TTC28: variants seen among roughly 807,000 people sequenced by gnomAD.
TTC28 encodes tetratricopeptide repeat domain 28.
In TTC28, 61 loss-of-function variants were observed where a neutral mutation model predicts 198.0. The observed-to-expected ratio is 0.31, with a 90% confidence interval of 0.25 to 0.38. The LOEUF (loss-of-function observed/expected upper bound fraction) is 0.38. Ranked by LOEUF, TTC28 falls within the 10% of genes least tolerant of loss-of-function variation. The pLI, the probability that TTC28 is intolerant of heterozygous loss-of-function variation, is 1.00. For synonymous variants in TTC28, 1,171 were observed against 1,297.8 expected (o/e 0.90, Z 2.10); for missense variants, 2,678 against 3,164.0 (o/e 0.85, Z 3.69).
chr22:28,093,976 A>G (rs781105478), intron 12 of TTC28, 104 bp downstream of exon 12: 6 of 1,272,810 alleles, frequency 4.7e-6, no homozygotes, highest in Non-Finnish European at 6.4e-6. Context: ...GCGCAACTAC[A>G]TGAATTCCAA....
intron 6 of TTC28, among the ~76,000 whole-genome samples, chr22:28,146,533 T>C (rs1943473835): frequency 6.6e-6 from 1 of 152,228 alleles, no homozygotes; most frequent in South Asian, 2.1e-4. Context: ...GTTGACAGTC[T>C]GAAATTTCTG....
intron 11 of TTC28, among the ~76,000 whole-genome samples, 152 bp downstream of exon 11, chr22:28,096,038 C>T (rs769783626): frequency 7.9e-5 from 12 of 152,210 alleles, no homozygotes; most frequent in Non-Finnish European, 2.9e-5. Context: ...GAATGCCCCA[C>T]CACGGCATAT....
intron 5 of TTC28, among the ~76,000 whole-genome samples, chr22:28,289,114 CAGA>C (rs962492726): frequency 2.6e-5 from 4 of 152,104 alleles, no homozygotes; most frequent in African/African-American, 9.7e-5. Context: ...ATTTCTAATA[CAGA>C]AGAAGAGAAT....
intron 5 of TTC28, among the ~76,000 whole-genome samples, chr22:28,229,698 C>T (rs1928652945): frequency 6.6e-6 from 1 of 152,068 alleles, no homozygotes; most frequent in Non-Finnish European, 1.5e-5. Flanking sequence ...CCTTTCAATT[C>T]TACAAGCATA....
intron 6 of TTC28, among the ~76,000 whole-genome samples, chr22:28,118,590 A>G (rs1474572333): frequency 6.6e-6 from 1 of 152,208 alleles, no homozygotes; most frequent in African/African-American, 2.4e-5. Flanking sequence ...ACAACTTTGT[A>G]GCCTAGGAGC....
chr22:28,571,580 T>C (rs2050060726), intron 2 of TTC28, among the ~76,000 whole-genome samples: 1 of 152,188 alleles, frequency 6.6e-6, no homozygotes, highest in Admixed American at 6.5e-5. Context: ...CTCTAATTTA[T>C]CCTGAAGGGC....
chr22:28,205,232 G>C (rs553895425), intron 5 of TTC28, among the ~76,000 whole-genome samples: 1 of 152,128 alleles, frequency 6.6e-6, no homozygotes, highest in East Asian at 1.9e-4. Context: ...AGAGACCGGG[G>C]GGAGAGAGGG....
At chr22:28,218,806 C>A (rs1927614874) in intron 5 of TTC28, among the ~76,000 whole-genome samples, 1 of 152,072 alleles carries the variant, frequency 6.6e-6, no homozygotes, top group Non-Finnish European at 1.5e-5. Flanking sequence ...TCCCACCCCA[C>A]CCCACTCCAG....
chr22:28,629,487 A>G, intron 2 of TTC28, 65 bp downstream of exon 2: 2 of 1,423,630 alleles, frequency 1.4e-6, no homozygotes, highest in Non-Finnish European at 1.9e-6. Flanking sequence ...AAAATATTAC[A>G]TTAAAGTAAG....
At chr22:28,210,341 T>G (rs1179776022) in intron 5 of TTC28, among the ~76,000 whole-genome samples, 1 of 152,076 alleles carries the variant, frequency 6.6e-6, no homozygotes, top group Non-Finnish European at 1.5e-5. Context: ...AATAACAAAC[T>G]TCTCCAAACT....
At chr22:28,402,360 C>T (rs966701498) in intron 2 of TTC28, among the ~76,000 whole-genome samples, 2 of 152,192 alleles carry the variant, frequency 1.3e-5, no homozygotes, top group Non-Finnish European at 1.5e-5. Context: ...TGTCAGTTCA[C>T]TAAAAGTCCT....
At chr22:28,652,274 T>C (rs1167229715) in intron 1 of TTC28, among the ~76,000 whole-genome samples, 1 of 152,256 alleles carries the variant, frequency 6.6e-6, no homozygotes. Context: ...TTGGTGTACA[T>C]GTGAACTGAA....
intron 6 of TTC28, among the ~76,000 whole-genome samples, chr22:28,124,842 G>T (rs1013875022): frequency 1.3e-5 from 2 of 152,162 alleles, no homozygotes; most frequent in African/African-American, 4.8e-5. Flanking sequence ...GAGGTAGAAG[G>T]TAGAGGTAAT....
At chr22:27,992,479 C>T (rs780685623) in intron 19 of TTC28, 108 bp downstream of exon 19, 51 of 1,120,138 alleles carry the variant, frequency 4.6e-5, no homozygotes, top group Non-Finnish European at 6.1e-5. Context: ...ATCACAAAGG[C>T]GGTGAGACTG....
At chr22:28,611,064 G>A (rs150303266) in intron 2 of TTC28, among the ~76,000 whole-genome samples, 28 of 152,262 alleles carry the variant, frequency 1.8e-4, no homozygotes, top group African/African-American at 6.3e-4. Context: ...CAAGAAATAT[G>A]GGACTATGTG....
At position 28,147,836 on chromosome 22, in the gene TTC28, G is replaced by A. The variant is rs374227459; in HGVS notation, c.1441+15256C>T. 2.6e-5 allele frequency among the ~76,000 whole-genome samples: 4 copies of A among 152,184 alleles called. No individual in the cohort carries two copies. In the East Asian group the frequency reaches 7.7e-4, roughly 29 times the overall value. ...GTGACTTCTAAGCCACTTCAAATGT[G>A]TGCTGGAGGGATCACAAAGGCCTTT... On this transcript the variant is annotated intron_variant, in intron 6 of 22. Transcript: ENST00000397906.
intron 14 of TTC28, among the ~76,000 whole-genome samples, chr22:28,009,470 G>A (rs1345425521): frequency 5.9e-5 from 9 of 152,362 alleles, no homozygotes; most frequent in Non-Finnish European, 1.0e-4. Context: ...GCAGCTGACA[G>A]CGGCAGCTCT....
At chr22:28,120,527 C>A (rs1184664268) in intron 6 of TTC28, among the ~76,000 whole-genome samples, 1 of 152,112 alleles carries the variant, frequency 6.6e-6, no homozygotes, top group Non-Finnish European at 1.5e-5. Context: ...GGTTACTTTG[C>A]CTCTCTGAGA....
intron 12 of TTC28, among the ~76,000 whole-genome samples, chr22:28,032,166 G>GTGTATATATATATATATATATAAAA: frequency 9.1e-6 from 1 of 109,934 alleles, no homozygotes; most frequent in East Asian, 2.2e-4. Context: ...TACTTAGTGT[G>GTGTATATATATATATATATATAAAA]TGTATATATA....
Sources: gnomAD v4.1 joint callset for allele counts (sites outside exome capture counted in the v4.1 genomes callset) on GRCh38, gnomAD v4.1.1 for gene constraint, MANE v1.5 for transcripts, NCBI Gene and HGNC (gene_info 2026-07-23, HGNC 2026-07-21) for gene names.